ERC1: variants seen among roughly 807,000 people sequenced by gnomAD.
ERC1 encodes the protein RAB6 interacting protein 2.
ERC1 carries 56 observed loss-of-function variants against 132.0 expected under a neutral mutation model. That is an observed-to-expected ratio of 0.42 (90% CI 0.34 to 0.53). ERC1 has a LOEUF of 0.53. Ranked by LOEUF, ERC1 falls within the 20% of genes least tolerant of loss-of-function variation. The pLI, the probability that ERC1 is intolerant of heterozygous loss-of-function variation, is 0.03. For synonymous variants in ERC1, 478 were observed against 476.1 expected (o/e 1.00, Z -0.05); for missense variants, 1,202 against 1,349.9 (o/e 0.89, Z 1.72).
At position 1,369,527 on chromosome 12, in the gene ERC1, A is replaced by G. The variant is rs76044157; in HGVS notation, c.2781-2306A>G. Among the ~76,000 whole-genome samples, 1,156 of 152,332 alleles carry G rather than the reference A, an allele frequency of 7.6e-3. 18 individuals carry two copies. The highest frequency in any genetic ancestry group is 0.027 in the African/African-American group (1,120 of 41,580). On this transcript the variant is annotated intron_variant, in intron 15 of 18. Transcript: ENST00000360905. ...AATATGTGATTCTGACTATTGGTGC[A>G]CAGAAATGTAGCACCCTTATTGGGA...
rs1426072059 is a variant in ERC1 at position 1,316,244 on chromosome 12, A to G, written c.2780+26232A>G. 5.3e-5 allele frequency among the ~76,000 whole-genome samples: 8 copies of G among 152,174 alleles called. No homozygotes were observed. The South Asian group carries it at 1.0e-3, about 20-fold the overall frequency. On this transcript the variant is annotated intron_variant, in intron 15 of 18. Transcript: ENST00000360905. Reference sequence around the variant, plus strand: ...TTAGGCTAACTGAGCAGTGAACACTATTAAATATATGAGAAGCTTTTTAAA... The same window carrying G: ...TTAGGCTAACTGAGCAGTGAACACTGTTAAATATATGAGAAGCTTTTTAAA...
chr12:1,262,985 C>T (rs747725445), intron 13 of ERC1, 49 bp from the exon 14 acceptor site: 1 of 1,597,496 alleles, frequency 6.3e-7, no homozygotes, highest in South Asian at 1.1e-5. Context: ...TAGGCTCTCC[C>T]TGGGTTAAGT....
intron 15 of ERC1, among the ~76,000 whole-genome samples, chr12:1,313,692 ATTT>A (rs111876583): frequency 6.7e-6 from 1 of 149,110 alleles, no homozygotes; most frequent in African/African-American, 2.5e-5. Context: ...ATATTCTAAA[ATTT>A]TTTTTTTTGC....
In ERC1 at chr12:1,190,001, A is replaced by T; in HGVS notation, c.2300A>T (p.Glu767Val). The T allele has an allele frequency of 1.2e-6, 2 of 1,614,060 alleles. No individual in the cohort carries two copies. The highest frequency in any genetic ancestry group is 1.7e-6 in the Non-Finnish European group (2 of 1,179,970). Residue 767 changes from glutamate (E) to valine (V), a missense_variant, in exon 12 of 19, where the codon GAG becomes GTG. Glu to Val is a moderately radical substitution (Grantham distance 121). Transcript: ENST00000360905. ...EVDRLLEILK[E>V]VENEKNDKDK... The stretch of plus-strand genomic sequence containing the variant: ...GATCGACTCTTAGAAATCTTGAAGG[A>T]GGTGGAAAATGAGAAGAATGACAAA...
chr12:1,060,571 C>T (rs1052098568), intron 2 of ERC1, among the ~76,000 whole-genome samples: 2 of 151,940 alleles, frequency 1.3e-5, no homozygotes, highest in Non-Finnish European at 2.9e-5. Flanking sequence ...TACATTGAGG[C>T]GGCAAGAGAA....
At chr12:1,243,111 C>T (rs1414444387) in intron 13 of ERC1, among the ~76,000 whole-genome samples, 6 of 148,820 alleles carry the variant, frequency 4.0e-5, no homozygotes, top group Admixed American at 2.1e-4. Flanking sequence ...GGCGTGAACC[C>T]GGGAAGCGGA....
chr12:1,220,812 G>A (rs550327770), intron 12 of ERC1, among the ~76,000 whole-genome samples: 6 of 152,154 alleles, frequency 3.9e-5, no homozygotes, highest in East Asian at 1.9e-4. Flanking sequence ...TGCTGGAGGC[G>A]GTGGCCCTCA....
At chr12:1,476,788 A>G (rs1418076632) in intron 18 of ERC1, among the ~76,000 whole-genome samples, 1 of 152,238 alleles carries the variant, frequency 6.6e-6, no homozygotes, top group Non-Finnish European at 1.5e-5. Context: ...AATCATAGAC[A>G]TGCAAAGATT....
At chr12:1,239,925 A>G (rs573202446) in intron 13 of ERC1, among the ~76,000 whole-genome samples, 2 of 152,346 alleles carry the variant, frequency 1.3e-5, no homozygotes, top group South Asian at 4.1e-4. Context: ...GGAAAGCCCC[A>G]TGAATTTGCA....
At chr12:1,369,277 C>T (rs1449363424) in intron 15 of ERC1, among the ~76,000 whole-genome samples, 1 of 152,192 alleles carries the variant, frequency 6.6e-6, no homozygotes, top group African/African-American at 2.4e-5. Flanking sequence ...ACCACACTAG[C>T]TGTCCAAGCA....
chr12:1,389,191 G>GAGAA (rs1351281862), intron 16 of ERC1, among the ~76,000 whole-genome samples: 2 of 152,202 alleles, frequency 1.3e-5, no homozygotes, highest in Non-Finnish European at 2.9e-5. Flanking sequence ...ATATATGGAA[G>GAGAA]AGAATATAAC....
chr12:1,028,408 C>T lies in ERC1; in HGVS notation c.505C>T (p.Arg169Trp), dbSNP rs773843924. The change falls in exon 2 of 19, where the codon CGG (arginine) becomes TGG (tryptophan). Residue 169 changes from arginine to tryptophan, a missense_variant. By Grantham distance (101) the Arg-to-Trp change is moderately radical. Coordinates refer to ENST00000360905, the MANE Select transcript of ERC1 (RefSeq NM_178040.4). ...AGTATTAAGAGAAAATGATCTCTTG[C>T]GGAAGGATGTGGAAGTAAAGGAGAG... ...KEVLRENDLL[R>W]KDVEVKESKL... 19 of 1,613,972 alleles carry T rather than the reference C, an allele frequency of 1.2e-5. No individual in the cohort carries two copies. The highest frequency in any genetic ancestry group is 2.2e-5 in the East Asian group (1 of 44,874).
At chr12:1,168,712 C>G (rs1952724618) in intron 8 of ERC1, among the ~76,000 whole-genome samples, 1 of 152,062 alleles carries the variant, frequency 6.6e-6, no homozygotes, top group Admixed American at 6.5e-5. Context: ...GTCTTGAACT[C>G]CTAACCTCAG....
chr12:1,336,620 A>C (rs2083335679), intron 15 of ERC1, among the ~76,000 whole-genome samples: 1 of 152,068 alleles, frequency 6.6e-6, no homozygotes, highest in South Asian at 2.1e-4. Flanking sequence ...GAGAGTGTTT[A>C]TTATTTCAGT....
chr12:1,144,636 G>GTATATATATA (rs1353092300), intron 8 of ERC1, among the ~76,000 whole-genome samples: 1 of 137,706 alleles, frequency 7.3e-6, no homozygotes, highest in African/African-American at 3.2e-5. Flanking sequence ...ATATATATAC[G>GTATATATATA]TGTATATATA....
chr12:1,484,081 GGATCACGAGGTCAGGAGATCAA>G lies in ERC1; in HGVS notation c.3214-6009_3214-5988del, dbSNP rs1287641629. 2.8e-3 allele frequency among the ~76,000 whole-genome samples: 268 copies of G among 96,534 alleles called. 1 individual carries two copies. The highest frequency in any genetic ancestry group is 7.6e-3 in the South Asian group (25 of 3,288). 63.3% of individuals were successfully genotyped at this position (96,534 alleles called of 152,430 possible). A position where few individuals can be genotyped will look rare whatever the true frequency, so the allele number is the denominator to read the frequency against. The stretch of plus-strand genomic sequence containing the variant: ...AGCACTTTGGGAGGCTGAGGCGGGC[GGATCACGAGGTCAGGAGATCAA>G]GACCTTCCTGGCTAACATGGTGAAA... On this transcript the variant is annotated intron_variant, in intron 18 of 18. Coordinates refer to ENST00000360905, the MANE Select transcript of ERC1 (RefSeq NM_178040.4).
intron 17 of ERC1, among the ~76,000 whole-genome samples, chr12:1,415,128 T>A (rs2092051460): frequency 6.6e-6 from 1 of 152,242 alleles, no homozygotes; most frequent in Admixed American, 6.5e-5. Context: ...AATTCTGAAA[T>A]CTTTTTCATT....
chr12:1,063,417 C>T (rs549432672), intron 2 of ERC1, among the ~76,000 whole-genome samples: 7 of 152,252 alleles, frequency 4.6e-5, no homozygotes, highest in East Asian at 3.9e-4. Flanking sequence ...TGTGCCACCA[C>T]GCCTGGCTAA....
At chr12:1,416,200 G>A (rs1379693264) in intron 17 of ERC1, among the ~76,000 whole-genome samples, 1 of 152,172 alleles carries the variant, frequency 6.6e-6, no homozygotes, top group Non-Finnish European at 1.5e-5. Flanking sequence ...GGTTACCCAA[G>A]ACAGACCCTC....
Sources: allele counts gnomAD v4.1 joint callset (sites outside exome capture counted in the v4.1 genomes callset), GRCh38; gene constraint gnomAD v4.1.1; transcripts MANE v1.5; gene names NCBI Gene and HGNC (gene_info 2026-07-23, HGNC 2026-07-21).